Variants in PCDH9 observed in about 807,000 individuals in gnomAD.
PCDH9 encodes the protein protocadherin 9.
Under a neutral mutation model 70.6 loss-of-function variants are expected in PCDH9, and 24 were observed. The observed-to-expected ratio is 0.34, with a 90% CI of 0.25 to 0.48. The LOEUF (loss-of-function observed/expected upper bound fraction) is 0.48, where lower values mean the gene tolerates loss of function less well. PCDH9 is among the 20% of genes least tolerant of loss of function. PCDH9 has a pLI of 0.99. For missense variants in PCDH9, 1,281 were observed against 1,503.6 expected (o/e 0.85, Z 2.45); for synonymous variants, 562 against 558.5 (o/e 1.01, Z -0.09).
intron 4 of PCDH9, among the ~76,000 whole-genome samples, chr13:66,591,067 C>G (rs1179041436): frequency 6.6e-6 from 1 of 151,610 alleles, no homozygotes; most frequent in Non-Finnish European, 1.5e-5. Context: ...TTTAATGTTT[C>G]AAGTTAATGT....
intron 4 of PCDH9, among the ~76,000 whole-genome samples, chr13:66,351,376 C>A (rs1024532903): frequency 5.9e-5 from 9 of 152,172 alleles, no homozygotes; most frequent in Non-Finnish European, 1.0e-4. Context: ...ACCAAAAGCT[C>A]CAGTCATGGG....
At chr13:66,678,291 T>G (rs2078272090) in intron 3 of PCDH9, among the ~76,000 whole-genome samples, 1 of 152,060 alleles carries the variant, frequency 6.6e-6, no homozygotes, top group Non-Finnish European at 1.5e-5. Flanking sequence ...AGTCAACAAC[T>G]GTCATAGTAA....
rs1182313000 is a variant in PCDH9, at chr13:66,708,406, T to G, written c.3139-76995A>C. Reference sequence around the variant, plus strand: ...TTCAAGTGTACTTTGAGATTTAGTTTTTTTTTTTTTTTTTCTTTCTTAGGT... The same window carrying G: ...TTCAAGTGTACTTTGAGATTTAGTTGTTTTTTTTTTTTTTCTTTCTTAGGT... On this transcript the variant is annotated intron_variant, in intron 3 of 4. Transcript: ENST00000377865. Among the ~76,000 whole-genome samples, 143 of 148,712 alleles carry G rather than the reference T, an allele frequency of 9.6e-4. 1 individual carries two copies. Among genetic ancestry groups the G allele is most frequent in the Non-Finnish European group, 1.5e-3 (102 of 67,564 alleles).
intron 2 of PCDH9, among the ~76,000 whole-genome samples, chr13:67,071,464 ACTAT>A (rs1225350741): frequency 2.0e-5 from 3 of 152,328 alleles, no homozygotes; most frequent in African/African-American, 7.2e-5. Flanking sequence ...GTAATTTGGT[ACTAT>A]CTATCAAAAC....
Position 66,910,895 on chromosome 13 carries a change from C to T in PCDH9, c.3037-7290G>A, listed in dbSNP as rs76447113. Among the ~76,000 whole-genome samples, 1,476 of 152,250 alleles carry T rather than the reference C, an allele frequency of 9.7e-3. 18 individuals carry two copies. The highest frequency in any genetic ancestry group is 0.017 in the Non-Finnish European group (1,143 of 68,016). On this transcript the variant is annotated intron_variant, in intron 2 of 4. Coordinates refer to ENST00000377865, the MANE Select transcript of PCDH9 (RefSeq NM_203487.3). ...GTGCATTGTCCATTTCCTGAGAATG[C>T]GTGTTCCATTGAGTTTCTGTCTATG...
At chr13:66,325,904 C>A (rs1026059696) in intron 4 of PCDH9, among the ~76,000 whole-genome samples, 2 of 152,120 alleles carry the variant, frequency 1.3e-5, no homozygotes, top group African/African-American at 4.8e-5. Flanking sequence ...TCATTACAAT[C>A]GTAATGAAGT....
intron 2 of PCDH9, among the ~76,000 whole-genome samples, chr13:67,072,644 T>G (rs9529181): frequency 0.77 from 117,610 of 151,938 alleles, 45,753 homozygotes; most frequent in East Asian, 0.97. Flanking sequence ...ATGAAGATAT[T>G]CATCCCAAAT....
chr13:67,048,946 T>A (rs1401996192), intron 2 of PCDH9, among the ~76,000 whole-genome samples: 1 of 152,214 alleles, frequency 6.6e-6, no homozygotes, highest in Admixed American at 6.5e-5. Flanking sequence ...ACTGAAATAC[T>A]ACAGGGTTTA....
At chr13:66,467,225 T>C (rs1049507443) in intron 4 of PCDH9, among the ~76,000 whole-genome samples, 1 of 152,088 alleles carries the variant, frequency 6.6e-6, no homozygotes, top group African/African-American at 2.4e-5. Flanking sequence ...TTTTAATATG[T>C]ACATGTGGAA....
chr13:67,171,411 C>A (rs2138446277), intron 2 of PCDH9, among the ~76,000 whole-genome samples: 1 of 152,134 alleles, frequency 6.6e-6, no homozygotes, highest in Non-Finnish European at 1.5e-5. Flanking sequence ...AATCATTAAC[C>A]CTCACTCTCT....
At chr13:67,149,612 A>G (rs939622446) in intron 2 of PCDH9, among the ~76,000 whole-genome samples, 4 of 152,138 alleles carry the variant, frequency 2.6e-5, no homozygotes, top group Non-Finnish European at 5.9e-5. Flanking sequence ...ACGAATTTTT[A>G]TTTGATTTTT....
intron 3 of PCDH9, among the ~76,000 whole-genome samples, chr13:66,783,942 A>G (rs2080039595): frequency 6.6e-6 from 1 of 152,174 alleles, no homozygotes; most frequent in Non-Finnish European, 1.5e-5. Context: ...ATTTTAACTA[A>G]GGGTTAAATG....
At chr13:66,929,656 T>C (rs2082774614) in intron 2 of PCDH9, among the ~76,000 whole-genome samples, 2 of 152,122 alleles carry the variant, frequency 1.3e-5, no homozygotes. Context: ...TTGTGTTCTA[T>C]ACCATAATAA....
chr13:66,786,372 A>G (rs1283660892), intron 3 of PCDH9, among the ~76,000 whole-genome samples: 1 of 152,172 alleles, frequency 6.6e-6, no homozygotes, highest in Non-Finnish European at 1.5e-5. Flanking sequence ...ATCCAAGGAG[A>G]AGGCTTATGC....
intron 4 of PCDH9, among the ~76,000 whole-genome samples, chr13:66,541,067 C>T (rs776137408): frequency 2.0e-4 from 30 of 152,310 alleles, no homozygotes; most frequent in African/African-American, 7.0e-4. Flanking sequence ...TTCAAGTCAA[C>T]TAATGATGTA....
chr13:66,756,240 T>A (rs35844859), intron 3 of PCDH9, among the ~76,000 whole-genome samples: 155 of 152,152 alleles, frequency 1.0e-3, no homozygotes, highest in Non-Finnish European at 1.9e-3. Flanking sequence ...ATAAGGTGAA[T>A]ACAAACATGT....
At chr13:67,172,129 T>G (rs1318625558) in intron 2 of PCDH9, among the ~76,000 whole-genome samples, 1 of 152,230 alleles carries the variant, frequency 6.6e-6, no homozygotes, top group Non-Finnish European at 1.5e-5. Context: ...CATCAGCTTC[T>G]CTTCCAATTG....
At chr13:66,401,687 G>A (rs1012701685) in intron 4 of PCDH9, among the ~76,000 whole-genome samples, 2 of 151,890 alleles carry the variant, frequency 1.3e-5, no homozygotes, top group African/African-American at 4.8e-5. Flanking sequence ...TTTTATGGTT[G>A]CTTTTCCACA....
chr13:67,204,462 A>G (rs541013996), intron 2 of PCDH9: 1 of 152,288 alleles, frequency 6.6e-6, no homozygotes, highest in South Asian at 2.1e-4. Context: ...GTCCAGTTCC[A>G]TTAATCCTCT....
Sources: gnomAD v4.1 joint callset for allele counts (sites outside exome capture counted in the v4.1 genomes callset) on GRCh38, gnomAD v4.1.1 for gene constraint, MANE v1.5 for transcripts, NCBI Gene and HGNC (gene_info 2026-07-23, HGNC 2026-07-21) for gene names.